OPCML: variants seen among roughly 807,000 people sequenced by gnomAD.
The protein encoded by OPCML is opioid-binding protein/cell adhesion molecule.
A neutral mutation model predicts 37.8 loss-of-function variants in OPCML; 13 were observed. The ratio of observed to expected loss-of-function variants is 0.34; its 90% CI spans 0.22 to 0.55. The LOEUF (loss-of-function observed/expected upper bound fraction) is 0.55. Among genes scored for constraint, OPCML ranks in the 20% least tolerant of loss-of-function variants. OPCML has a pLI of 0.91. For missense variants in OPCML, 341 were observed against 435.6 expected (o/e 0.78, Z 1.93); for synonymous variants, 176 against 168.8 (o/e 1.04, Z -0.33).
At chr11:132,530,553 G>A (rs115504562) in intron 3 of OPCML, among the ~76,000 whole-genome samples, 30 of 152,134 alleles carry the variant, frequency 2.0e-4, no homozygotes, top group African/African-American at 7.2e-4. Context: ...ACCCCAGAAT[G>A]GCCTACCATG....
chr11:132,722,041 C>T (rs540420091), intron 2 of OPCML, among the ~76,000 whole-genome samples: 3 of 147,232 alleles, frequency 2.0e-5, no homozygotes, highest in East Asian at 4.1e-4. Flanking sequence ...CTGCAAGCTC[C>T]ACCTCCCAGC....
intron 1 of OPCML, among the ~76,000 whole-genome samples, chr11:133,399,098 G>A (rs551709278): frequency 1.1e-3 from 168 of 152,212 alleles, no homozygotes; most frequent in African/African-American, 3.9e-3. Flanking sequence ...TTTCTTATCT[G>A]AAATAAATGT....
intron 1 of OPCML, among the ~76,000 whole-genome samples, chr11:133,037,156 A>G (rs1337120059): frequency 6.6e-6 from 1 of 152,194 alleles, no homozygotes; most frequent in Non-Finnish European, 1.5e-5. Context: ...GGCTGAATCA[A>G]TGGAAAATGA....
chr11:132,605,105 G>A (rs544655137), intron 3 of OPCML, among the ~76,000 whole-genome samples: 9 of 152,256 alleles, frequency 5.9e-5, no homozygotes, highest in South Asian at 4.2e-4. Context: ...GACTTGGTGA[G>A]GCATTAAGTT....
At chr11:133,101,112 A>G (rs1404933030) in intron 1 of OPCML, among the ~76,000 whole-genome samples, 2 of 151,930 alleles carry the variant, frequency 1.3e-5, no homozygotes, top group African/African-American at 4.8e-5. Flanking sequence ...TTTAGTAGAG[A>G]CGGGGTTTCA....
intron 1 of OPCML, among the ~76,000 whole-genome samples, chr11:133,506,769 G>A (rs916000451): frequency 1.3e-5 from 2 of 152,188 alleles, no homozygotes; most frequent in Non-Finnish European, 2.9e-5. Flanking sequence ...CAGACAGAAT[G>A]GTTACTGTTT....
intron 1 of OPCML, among the ~76,000 whole-genome samples, chr11:133,113,426 C>A (rs1167547096): frequency 1.3e-5 from 2 of 152,130 alleles, no homozygotes; most frequent in African/African-American, 4.8e-5. Context: ...AACAAGGAAG[C>A]AGGAGAGAAA....
At chr11:132,488,458 G>T (rs1240278948) in intron 4 of OPCML, among the ~76,000 whole-genome samples, 2 of 152,104 alleles carry the variant, frequency 1.3e-5, no homozygotes, top group African/African-American at 4.8e-5. Flanking sequence ...GTACAAATCT[G>T]TACTGAATAC....
intron 4 of OPCML, among the ~76,000 whole-genome samples, chr11:132,470,802 A>G (rs1205791834): frequency 6.6e-6 from 1 of 152,162 alleles, no homozygotes; most frequent in Non-Finnish European, 1.5e-5. Context: ...CATGCTCTTA[A>G]CCATTCTACT....
At chr11:133,453,716 A>C (rs533199966) in intron 1 of OPCML, among the ~76,000 whole-genome samples, 1 of 146,432 alleles carries the variant, frequency 6.8e-6, no homozygotes. Context: ...TGAATCCTCA[A>C]AATGTTTTTC....
At chr11:133,363,324 C>G (rs958138313) in intron 1 of OPCML, among the ~76,000 whole-genome samples, 5 of 152,104 alleles carry the variant, frequency 3.3e-5, no homozygotes, top group Non-Finnish European at 5.9e-5. Flanking sequence ...GCCAAGGCAG[C>G]GCAGAGGGCC....
chr11:133,329,096 G>A (rs2136643380), intron 1 of OPCML, among the ~76,000 whole-genome samples: 1 of 152,174 alleles, frequency 6.6e-6, no homozygotes, highest in East Asian at 1.9e-4. Context: ...GCTTCAAAGA[G>A]AATAAAATAT....
At chr11:132,798,680 C>T (rs942208254) in intron 2 of OPCML, among the ~76,000 whole-genome samples, 1 of 152,186 alleles carries the variant, frequency 6.6e-6, no homozygotes, top group Non-Finnish European at 1.5e-5. Flanking sequence ...TTTTGACCTC[C>T]TTTCATGAAT....
At chr11:133,318,528 T>C (rs1476821455) in intron 1 of OPCML, among the ~76,000 whole-genome samples, 1 of 152,122 alleles carries the variant, frequency 6.6e-6, no homozygotes, top group Non-Finnish European at 1.5e-5. Flanking sequence ...TCCTGGGCTA[T>C]AAATTCCCAT....
At chr11:132,848,437 T>C (rs973492772) in intron 2 of OPCML, among the ~76,000 whole-genome samples, 2 of 152,214 alleles carry the variant, frequency 1.3e-5, no homozygotes, top group Non-Finnish European at 2.9e-5. Flanking sequence ...AGCAAGCTCA[T>C]TGTGCAACAT....
intron 3 of OPCML, among the ~76,000 whole-genome samples, chr11:132,585,523 A>C (rs1392331783): frequency 6.6e-6 from 1 of 152,192 alleles, no homozygotes; most frequent in Non-Finnish European, 1.5e-5. Context: ...GGCCTAGTGC[A>C]TAAGCTGAGT....
chr11:133,058,714 C>G (rs1285335213), intron 1 of OPCML, among the ~76,000 whole-genome samples: 3 of 152,332 alleles, frequency 2.0e-5, no homozygotes, highest in East Asian at 3.9e-4. Flanking sequence ...TTCTCGGCAC[C>G]TCCCAGTAGA....
At chr11:132,699,020 C>T (rs937476541) in intron 2 of OPCML, among the ~76,000 whole-genome samples, 4 of 151,748 alleles carry the variant, frequency 2.6e-5, no homozygotes, top group South Asian at 4.2e-4. Flanking sequence ...TCCATTTATT[C>T]TTGTCATCTT....
At chr11:133,249,139 G>A (rs1379005530) in intron 1 of OPCML, among the ~76,000 whole-genome samples, 1 of 152,134 alleles carries the variant, frequency 6.6e-6, no homozygotes. Flanking sequence ...CCTGAGACTG[G>A]GGGTAATTTA....
Sources: gnomAD v4.1 joint callset for allele counts (sites outside exome capture counted in the v4.1 genomes callset) on GRCh38, gnomAD v4.1.1 for gene constraint, MANE v1.5 for transcripts, NCBI Gene and HGNC (gene_info 2026-07-23, HGNC 2026-07-21) for gene names.